CAMTA1: variants seen among roughly 807,000 people sequenced by gnomAD.
The protein encoded by CAMTA1 is calmodulin binding transcription activator 1.
In CAMTA1, 27 loss-of-function variants were observed where a neutral mutation model predicts 170.9. The ratio of observed to expected loss-of-function variants is 0.16; its 90% CI spans 0.12 to 0.22. CAMTA1 has a LOEUF of 0.22. CAMTA1 is among the 10% of genes least tolerant of loss of function. The probability of loss-of-function intolerance (pLI) is 1.00; values close to 1 mark genes in which losing one functional copy is unlikely to be tolerated. For missense variants in CAMTA1, 1,619 were observed against 2,217.2 expected, an observed-to-expected ratio of 0.73 and a Z score of 5.42; for synonymous variants, 833 against 891.5, an observed-to-expected ratio of 0.93 and a Z score of 1.17.
intron 6 of CAMTA1, among the ~76,000 whole-genome samples, chr1:7,524,408 G>A (rs1282893904): frequency 1.3e-5 from 2 of 152,030 alleles, no homozygotes; most frequent in Admixed American, 6.6e-5. Flanking sequence ...TTTCTATTTA[G>A]GCAATCATGT....
intron 5 of CAMTA1, among the ~76,000 whole-genome samples, chr1:7,427,793 G>A (rs1007780769): frequency 5.3e-5 from 8 of 152,204 alleles, no homozygotes; most frequent in Admixed American, 4.6e-4. Flanking sequence ...TCCTCTGGGG[G>A]AGAGTGGGTT....
intron 3 of CAMTA1, among the ~76,000 whole-genome samples, chr1:6,861,300 T>C (rs1664600248): frequency 6.6e-6 from 1 of 152,220 alleles, no homozygotes; most frequent in Non-Finnish European, 1.5e-5. Flanking sequence ...CTAACATCTC[T>C]GTTACTGGTT....
chr1:7,737,081 CG>C (rs1482678389), intron 14 of CAMTA1, 72 bp downstream of exon 14: 31 of 1,391,396 alleles, frequency 2.2e-5, no homozygotes, highest in Non-Finnish European at 3.0e-5. Context: ...TGGTTCCCAC[CG>C]TTGTCTCTTG....
intron 6 of CAMTA1, among the ~76,000 whole-genome samples, chr1:7,594,822 C>G (rs1160026240): frequency 6.6e-6 from 1 of 152,160 alleles, no homozygotes; most frequent in African/African-American, 2.4e-5. Flanking sequence ...GGAGGCCCAG[C>G]GGGGAACAGG....
chr1:6,998,471 C>G (rs1475202107), intron 3 of CAMTA1, among the ~76,000 whole-genome samples: 1 of 152,214 alleles, frequency 6.6e-6, no homozygotes, highest in Non-Finnish European at 1.5e-5. Flanking sequence ...GTCCCTCTGC[C>G]ACCAAGATCT....
rs927734095 is a variant in CAMTA1 at position 6,862,647 on chromosome 1, T to G, written c.234+37437T>G. Among the ~76,000 whole-genome samples, 23 of 151,308 alleles carry G rather than the reference T, an allele frequency of 1.5e-4. 1 individual carries two copies. The highest frequency in any genetic ancestry group is 6.6e-5 in the Admixed American group (1 of 15,244). The stretch of plus-strand genomic sequence containing the variant: ...CTTTTTAATGATTTTTCAGACATAC[T>G]CACCCACTTTGGCTGTGCCATCCTC... On this transcript the variant is annotated intron_variant, in intron 3 of 22. Coordinates refer to ENST00000303635, the MANE Select transcript of CAMTA1 (RefSeq NM_015215.4).
chr1:6,888,950 ACTT>A (rs1178560089), intron 3 of CAMTA1, among the ~76,000 whole-genome samples: 1 of 152,022 alleles, frequency 6.6e-6, no homozygotes, highest in African/African-American at 2.4e-5. Flanking sequence ...AAGAACTGAA[ACTT>A]CTTTTTAGGT....
chr1:6,969,750 T>G (rs764988889), intron 3 of CAMTA1, among the ~76,000 whole-genome samples: 12 of 152,246 alleles, frequency 7.9e-5, no homozygotes, highest in Admixed American at 2.0e-4. Context: ...TCATCCACAT[T>G]CCTCAGCAAT....
At chr1:7,367,851 G>T (rs781153832) in intron 5 of CAMTA1, among the ~76,000 whole-genome samples, 16 of 152,146 alleles carry the variant, frequency 1.1e-4, no homozygotes, top group Non-Finnish European at 1.5e-4. Context: ...CAGGCCCTGG[G>T]CACTCATGGT....
chr1:6,822,496 AT>A (rs953636964), intron 2 of CAMTA1, among the ~76,000 whole-genome samples: 8 of 152,130 alleles, frequency 5.3e-5, no homozygotes, highest in Non-Finnish European at 1.5e-5. Context: ...ACCCATTGTT[AT>A]GTTTCTTAAA....
intron 4 of CAMTA1, among the ~76,000 whole-genome samples, chr1:7,099,957 G>A (rs934541369): frequency 3.9e-5 from 6 of 152,150 alleles, no homozygotes; most frequent in South Asian, 2.1e-4. Context: ...TGTGTCTCCC[G>A]CTGGGGCAGA....
chr1:7,126,181 C>G (rs1313498937), intron 4 of CAMTA1, among the ~76,000 whole-genome samples: 1 of 152,136 alleles, frequency 6.6e-6, no homozygotes, highest in Non-Finnish European at 1.5e-5. Context: ...GGGTCCCTCC[C>G]ACAACACTGG....
intron 1 of CAMTA1, 67 bp from the exon 2 acceptor site, chr1:6,820,114 A>G: frequency 1.0e-6 from 1 of 952,934 alleles, no homozygotes; most frequent in Non-Finnish European, 1.7e-6. Context: ...TGGCAGGAAT[A>G]TCACAGAAGA....
At chr1:6,808,303 C>T (rs1402790873) in intron 1 of CAMTA1, among the ~76,000 whole-genome samples, 1 of 151,960 alleles carries the variant, frequency 6.6e-6, no homozygotes, top group East Asian at 1.9e-4. Context: ...TAAGGGCCAC[C>T]TAGTTACTTC....
intron 3 of CAMTA1, among the ~76,000 whole-genome samples, chr1:6,990,280 C>G (rs1696135165): frequency 6.6e-6 from 1 of 152,144 alleles, no homozygotes. Flanking sequence ...TTAGCTGTGT[C>G]TCACAATTTT....
At chr1:7,350,850 G>T (rs1295412313) in intron 5 of CAMTA1, among the ~76,000 whole-genome samples, 1 of 152,184 alleles carries the variant, frequency 6.6e-6, no homozygotes, top group Non-Finnish European at 1.5e-5. Context: ...TCCACATTCT[G>T]CCAGGATCCT....
rs1417656596 is a variant in CAMTA1, at chr1:7,664,201, G to A, written c.1654G>A (p.Ala552Thr). Residue 552 changes from alanine (A) to threonine (T), a missense_variant, in exon 9 of 23, where the codon GCG (alanine) becomes ACG (threonine). Transcript: ENST00000303635. ...QMAKEAYSSS[A>T]AAVAASSLTL... ...GGCCAAAGAAGCGTACTCCTCCTCC[G>A]CGGCGGCTGTGGCAGCCAGCTCCCT... The A allele has an allele frequency of 8.7e-6, 14 of 1,612,584 alleles. No homozygotes were observed. Among genetic ancestry groups the A allele is most frequent in the Admixed American group, 5.0e-5 (3 of 60,014 alleles).
At chr1:7,630,903 G>C (rs140893116) in intron 6 of CAMTA1, among the ~76,000 whole-genome samples, 7 of 152,354 alleles carry the variant, frequency 4.6e-5, no homozygotes, top group Non-Finnish European at 7.3e-5. Flanking sequence ...GAGCACAGTT[G>C]ACTACTGACC....
intron 5 of CAMTA1, among the ~76,000 whole-genome samples, chr1:7,427,461 G>A (rs1030252165): frequency 1.3e-5 from 2 of 152,170 alleles, no homozygotes. Flanking sequence ...CCAAGCTGCA[G>A]GAAGCTCTGC....
Sources: allele counts gnomAD v4.1 joint callset (sites outside exome capture counted in the v4.1 genomes callset), GRCh38; gene constraint gnomAD v4.1.1; transcripts MANE v1.5; gene names NCBI Gene and HGNC (gene_info 2026-07-23, HGNC 2026-07-21).